Variants in EDA observed in about 807,000 individuals in gnomAD.
EDA encodes the protein ectodysplasin A, also known as ectodysplasin-A.
EDA carries 2 observed loss-of-function variants against 23.6 expected under a neutral mutation model. That is an observed-to-expected ratio of 0.08 (90% confidence interval 0.03 to 0.27). The LOEUF (loss-of-function observed/expected upper bound fraction) is 0.27, where lower values mean the gene tolerates loss of function less well. EDA is among the 10% of genes least tolerant of loss of function. The pLI is 1.00. For missense variants in EDA, 229 were observed against 324.2 expected (o/e 0.71, Z 2.26); for synonymous variants, 131 against 132.0 (o/e 0.99, Z 0.05).
At chrX:69,703,702 T>C (rs1405077993) in intron 1 of EDA, among the ~76,000 whole-genome samples, 1 of 111,398 alleles carries the variant, frequency 9.0e-6, no homozygotes, top group East Asian at 2.8e-4. Context: ...TCTGGCCAGC[T>C]CTCTTCCTGC....
chrX:69,704,512 G>T (rs1035220384), intron 1 of EDA, among the ~76,000 whole-genome samples: 4 of 110,066 alleles, frequency 3.6e-5, no homozygotes, highest in Non-Finnish European at 7.6e-5. Flanking sequence ...TTCAAAAGGG[G>T]GGAGGGTATA....
chrX:69,881,374 G>A (rs1350380539), intron 1 of EDA, among the ~76,000 whole-genome samples: 1 of 110,424 alleles, frequency 9.1e-6, no homozygotes, highest in Non-Finnish European at 1.9e-5. Flanking sequence ...CAGAGTAATG[G>A]GGATCCCTCC....
chrX:69,951,739 G>A (rs762048419), intron 1 of EDA, among the ~76,000 whole-genome samples: 2 of 112,143 alleles, frequency 1.8e-5, no homozygotes, highest in African/African-American at 3.2e-5. Flanking sequence ...AGCAATAATG[G>A]ATGTATCCCT....
chrX:69,807,865 A>G (rs1321806295), intron 1 of EDA, among the ~76,000 whole-genome samples: 1 of 111,594 alleles, frequency 9.0e-6, no homozygotes, highest in Non-Finnish European at 1.9e-5. Flanking sequence ...AAACTTTGGA[A>G]TCAGAATGCC....
intron 1 of EDA, among the ~76,000 whole-genome samples, chrX:69,824,606 A>G (rs1226123757): frequency 2.9e-5 from 3 of 103,805 alleles, no homozygotes; most frequent in East Asian, 6.3e-4. Flanking sequence ...GGGCTGAGAC[A>G]ATGGGGTTTT....
chrX:70,001,059 T>C (rs2019733896), intron 2 of EDA, among the ~76,000 whole-genome samples: 1 of 111,823 alleles, frequency 8.9e-6, no homozygotes, highest in Admixed American at 9.5e-5. Context: ...ATACTTACCA[T>C]GTTGAAGGAT....
chrX:69,914,376 A>G (rs1168060784), intron 1 of EDA, among the ~76,000 whole-genome samples: 1 of 112,144 alleles, frequency 8.9e-6, no homozygotes, highest in Non-Finnish European at 1.9e-5. Context: ...CGACCTTCCC[A>G]GTGTCACATG....
At chrX:70,017,115 T>A (rs746081279) in intron 2 of EDA, among the ~76,000 whole-genome samples, 1 of 109,851 alleles carries the variant, frequency 9.1e-6, no homozygotes, top group Admixed American at 9.6e-5. Context: ...TAGAAGAAAC[T>A]GATAAATTCC....
At chrX:69,840,548 A>G (rs2016872027) in intron 1 of EDA, among the ~76,000 whole-genome samples, 1 of 112,008 alleles carries the variant, frequency 8.9e-6, no homozygotes. Context: ...GATCATATGT[A>G]TTATTTGATT....
chrX:69,879,151 C>CA (rs1364099662), intron 1 of EDA, among the ~76,000 whole-genome samples: 1 of 109,126 alleles, frequency 9.2e-6, no homozygotes, highest in Non-Finnish European at 1.9e-5. Flanking sequence ...TAGTCTGGAA[C>CA]CTGCACTGTG....
intron 6 of EDA, among the ~76,000 whole-genome samples, chrX:70,031,558 G>A (rs770564258): frequency 1.1e-4 from 12 of 111,512 alleles, no homozygotes; most frequent in Non-Finnish European, 1.9e-4. Flanking sequence ...GTACAGAAAC[G>A]GTAAAGGAAG....
intron 1 of EDA, among the ~76,000 whole-genome samples, chrX:69,736,608 C>T (rs1245924168): frequency 2.7e-5 from 3 of 110,552 alleles, no homozygotes; most frequent in African/African-American, 6.6e-5. Context: ...GGATTACAGG[C>T]GTGAGCCACT....
At chrX:69,848,362 A>G (rs1735542916) in intron 1 of EDA, among the ~76,000 whole-genome samples, 1 of 111,512 alleles carries the variant, frequency 9.0e-6, no homozygotes, top group South Asian at 3.7e-4. Context: ...TTCAGGGATC[A>G]GCATAGTAGT....
At chrX:69,761,206 G>A (rs778086642) in intron 1 of EDA, among the ~76,000 whole-genome samples, 4 of 110,727 alleles carry the variant, frequency 3.6e-5, no homozygotes, top group Admixed American at 9.7e-5. Context: ...TGCCTCTAGG[G>A]TTCAGGTATA....
intron 2 of EDA, among the ~76,000 whole-genome samples, chrX:69,996,580 A>G (rs2019659950): frequency 8.9e-6 from 1 of 112,225 alleles, no homozygotes; most frequent in Non-Finnish European, 1.9e-5. Flanking sequence ...GTAAATATTG[A>G]TTGATGGCAG....
At chrX:69,644,674 G>T (rs1050607403) in intron 1 of EDA, among the ~76,000 whole-genome samples, 5 of 111,190 alleles carry the variant, frequency 4.5e-5, no homozygotes, top group African/African-American at 1.6e-4. Context: ...GTAAGAGGGG[G>T]TATCCTTGTC....
At chrX:69,748,794 G>A (rs753705480) in intron 1 of EDA, among the ~76,000 whole-genome samples, 1 of 111,437 alleles carries the variant, frequency 9.0e-6, no homozygotes, top group East Asian at 2.8e-4. Context: ...TCCCTCATAA[G>A]GTTGTTTTGA....
intron 7 of EDA, 142 bp downstream of exon 7, chrX:70,033,670 G>A (rs1306456353): frequency 1.0e-5 from 7 of 682,919 alleles, no homozygotes; most frequent in Non-Finnish European, 1.6e-5. Flanking sequence ...GACCGCACTG[G>A]GAGGGAGTTG....
chrX:69,892,067 C>T (rs1230002814), intron 1 of EDA, among the ~76,000 whole-genome samples: 1 of 111,449 alleles, frequency 9.0e-6, no homozygotes, highest in East Asian at 2.8e-4. Flanking sequence ...GAGCTTAGTA[C>T]GATACTGTTG....
Sources: allele counts gnomAD v4.1 joint callset (sites outside exome capture counted in the v4.1 genomes callset), GRCh38; gene constraint gnomAD v4.1.1; transcripts MANE v1.5; gene names NCBI Gene and HGNC (gene_info 2026-07-23, HGNC 2026-07-21).